The following SLC7A14 variants were observed in gnomAD, a reference collection of about 807,000 sequenced individuals.
SLC7A14 encodes the protein gamma-aminobutyric acid transporter SLC7A14.
Under a neutral mutation model 60.2 loss-of-function variants are expected in SLC7A14, and 37 were observed. The ratio of observed to expected loss-of-function variants is 0.61; its 90% CI spans 0.47 to 0.81. The LOEUF (loss-of-function observed/expected upper bound fraction) is 0.81, where lower values mean the gene tolerates loss of function less well. Among genes scored for constraint, SLC7A14 ranks in the 30% least tolerant of loss-of-function variants. The pLI, the probability that SLC7A14 is intolerant of heterozygous loss-of-function variation, is 0.00. For synonymous variants in SLC7A14, 399 were observed against 395.8 expected (o/e 1.01, Z -0.10); for missense variants, 886 against 982.7 (o/e 0.90, Z 1.32).
chr3:170,498,304 T>A (rs1250271921), intron 4 of SLC7A14, among the ~76,000 whole-genome samples: 3 of 152,172 alleles, frequency 2.0e-5, no homozygotes, highest in African/African-American at 7.2e-5. Context: ...AATGGGAGTT[T>A]TTTTCATCTT....
At position 170,483,366 on chromosome 3, in the gene SLC7A14, A is replaced by C; in HGVS notation, c.1063T>G (p.Phe355Val). 6.2e-7 allele frequency: 1 copy of C among 1,614,210 alleles called. No homozygotes were observed. The highest frequency in any genetic ancestry group is 8.5e-7 in the Non-Finnish European group (1 of 1,180,034). The part of the protein sequence containing the change: ...GLTVSLLGSL[F>V]PMPRVIYAMA... ...GCATAAATGACCCTCGGCATCGGGA[A>C]GAGGGACCCCAGCAAGCTGACTGTC... The change falls in exon 6 of 8, where the codon TTC becomes GTC. Residue 355 changes from phenylalanine (F) to valine (V), a missense_variant. Physicochemically the swap from Phe to Val is conservative, Grantham distance 50 (BLOSUM62 -1). Transcript: ENST00000231706.
chr3:170,565,429 T>C (rs1714764041), intron 1 of SLC7A14, among the ~76,000 whole-genome samples: 1 of 152,176 alleles, frequency 6.6e-6, no homozygotes, highest in Non-Finnish European at 1.5e-5. Flanking sequence ...GACTGGGGGC[T>C]GCATGTGTTC....
chr3:170,575,697 T>A (rs1256384214), intron 1 of SLC7A14, among the ~76,000 whole-genome samples: 1 of 152,194 alleles, frequency 6.6e-6, no homozygotes, highest in East Asian at 1.9e-4. Flanking sequence ...GCTCTTATAC[T>A]GCCACAAATT....
intron 1 of SLC7A14, among the ~76,000 whole-genome samples, chr3:170,551,182 A>G (rs1342765450): frequency 6.6e-6 from 1 of 152,200 alleles, no homozygotes; most frequent in Non-Finnish European, 1.5e-5. Context: ...TTCACTTATC[A>G]TAACGTTGTC....
chr3:170,552,010 G>A lies in SLC7A14; in HGVS notation c.-152-24922C>T, dbSNP rs149454174. On this transcript the variant is annotated intron_variant, in intron 1 of 7. Coordinates refer to ENST00000231706, the MANE Select transcript of SLC7A14 (RefSeq NM_020949.3). ...CTAATCCAAAATTACAAAGACTTATGACTATATTTTCTTCCAAGAATTTTA... is the reference window on the plus strand; with the variant it reads ...CTAATCCAAAATTACAAAGACTTATAACTATATTTTCTTCCAAGAATTTTA... 2.9e-3 allele frequency among the ~76,000 whole-genome samples: 448 copies of A among 152,232 alleles called. 3 individuals are homozygous for A. The highest frequency in any genetic ancestry group is 0.01 in the African/African-American group (429 of 41,550).
chr3:170,560,889 T>A (rs777724616), intron 1 of SLC7A14, among the ~76,000 whole-genome samples: 6 of 152,226 alleles, frequency 3.9e-5, no homozygotes, highest in Non-Finnish European at 8.8e-5. Flanking sequence ...TAGTAACCAC[T>A]TTAACCACTT....
chr3:170,496,342 A>C (rs963919077), intron 4 of SLC7A14: 226 of 1,258,098 alleles, frequency 1.8e-4, no homozygotes, highest in Non-Finnish European at 2.5e-4. Context: ...CGGTGTACAA[A>C]GACTTAGATC....
At chr3:170,565,790 C>T (rs893053110) in intron 1 of SLC7A14, among the ~76,000 whole-genome samples, 6 of 152,004 alleles carry the variant, frequency 3.9e-5, no homozygotes, top group African/African-American at 1.5e-4. Context: ...TATTGAATGA[C>T]CCCTTCCCTG....
chr3:170,483,404 G>A lies in SLC7A14; in HGVS notation c.1025C>T (p.Ser342Leu). The change falls in exon 6 of 8, where the codon TCG (serine) becomes TTG (leucine). Residue 342 changes from serine to leucine, a missense_variant. Transcript: ENST00000231706. ...YAAKFVVAIG[S>L]VAGLTVSLLG... is the part of the protein sequence containing the mutation. ...CAAGCTGACTGTCAGTCCTGCAACCGACCCAATGGCCACTACGAATTTGGC... is the reference window on the plus strand; with the variant it reads ...CAAGCTGACTGTCAGTCCTGCAACCAACCCAATGGCCACTACGAATTTGGC... 6.2e-7 allele frequency: 1 copy of A among 1,614,190 alleles called. No homozygotes were observed. Among genetic ancestry groups the A allele is most frequent in the Non-Finnish European group, 8.5e-7 (1 of 1,180,042 alleles).
rs768895376 is a variant in SLC7A14, at chr3:170,480,691, T to C, written c.1591A>G (p.Ile531Val). The C allele has an allele frequency of 6.2e-7, 1 of 1,613,944 alleles. No homozygotes were observed. Among genetic ancestry groups the C allele is most frequent in the Admixed American group, 1.7e-5 (1 of 60,024 alleles). ...EADESENIYL[I>V]KLKKLIGPHY... ...GGCCCAATCAGCTTCTTTAACTTGATGAGATAAATATTTTCGGATTCATCA... is the reference window on the plus strand; with the variant it reads ...GGCCCAATCAGCTTCTTTAACTTGACGAGATAAATATTTTCGGATTCATCA... The change falls in exon 7 of 8, where the codon ATC becomes GTC. Residue 531 changes from isoleucine to valine, a missense_variant. Ile to Val is a conservative substitution (Grantham distance 29). Coordinates refer to ENST00000231706, the MANE Select transcript of SLC7A14 (RefSeq NM_020949.3).
intron 1 of SLC7A14, among the ~76,000 whole-genome samples, chr3:170,576,816 C>T (rs1353049261): frequency 6.6e-6 from 1 of 152,138 alleles, no homozygotes; most frequent in African/African-American, 2.4e-5. Flanking sequence ...CACCAAAAGT[C>T]AGTAGTAACT....
At chr3:170,584,733 T>C (rs1207234687) in intron 1 of SLC7A14, among the ~76,000 whole-genome samples, 1 of 152,168 alleles carries the variant, frequency 6.6e-6, no homozygotes, top group Non-Finnish European at 1.5e-5. Flanking sequence ...CGCCATTCCC[T>C]GCACTCAGTC....
intron 1 of SLC7A14, among the ~76,000 whole-genome samples, chr3:170,530,877 G>A (rs1266723229): frequency 1.3e-5 from 2 of 152,180 alleles, no homozygotes; most frequent in Admixed American, 6.5e-5. Flanking sequence ...TGCTGGAATC[G>A]AGGAGAGAGG....
At position 170,508,361 on chromosome 3, in the gene SLC7A14, GC is replaced by G. The variant is rs570580137; in HGVS notation, c.305-7017del. ...GCCTCTGGGATCAGCAACAACTGGA[GC>G]GTTGCTCAGAGGTTCGGTCAGGCTG... On this transcript the variant is annotated intron_variant, in intron 2 of 7. Coordinates refer to ENST00000231706, the MANE Select transcript of SLC7A14 (RefSeq NM_020949.3). Among the ~76,000 whole-genome samples the G allele has an allele frequency of 1.2e-4, 18 of 152,354 alleles. No individual in the cohort carries two copies. The South Asian group carries it at 3.7e-3, about 32-fold the overall frequency.
At chr3:170,533,260 A>G (rs760495350) in intron 1 of SLC7A14, among the ~76,000 whole-genome samples, 10 of 152,130 alleles carry the variant, frequency 6.6e-5, no homozygotes, top group Non-Finnish European at 8.8e-5. Flanking sequence ...ACTTTATACT[A>G]CGTGGCCAGG....
chr3:170,521,054 C>T (rs1001041248), intron 2 of SLC7A14, among the ~76,000 whole-genome samples: 1 of 152,182 alleles, frequency 6.6e-6, no homozygotes, highest in Non-Finnish European at 1.5e-5. Flanking sequence ...TTAGGTTTGG[C>T]ATGGCTATGG....
At chr3:170,539,532 T>A (rs900704226) in intron 1 of SLC7A14, among the ~76,000 whole-genome samples, 1 of 152,222 alleles carries the variant, frequency 6.6e-6, no homozygotes, top group South Asian at 2.1e-4. Context: ...ATTTACTTAT[T>A]TATTTAGTTT....
intron 1 of SLC7A14, among the ~76,000 whole-genome samples, chr3:170,570,869 G>A (rs1714933085): frequency 6.6e-6 from 1 of 151,920 alleles, no homozygotes; most frequent in Admixed American, 6.6e-5. Flanking sequence ...AGCTTTAGGA[G>A]TACAAGTGGT....
At chr3:170,538,090 T>A (rs1162728406) in intron 1 of SLC7A14, among the ~76,000 whole-genome samples, 2 of 152,230 alleles carry the variant, frequency 1.3e-5, no homozygotes. Context: ...AATGAACTTG[T>A]TCACATTAGT....
Sources: gnomAD v4.1 joint callset for allele counts (sites outside exome capture counted in the v4.1 genomes callset) on GRCh38, gnomAD v4.1.1 for gene constraint, MANE v1.5 for transcripts, NCBI Gene and HGNC (gene_info 2026-07-23, HGNC 2026-07-21) for gene names.